METAP1D: variants seen among roughly 807,000 people sequenced by gnomAD.
METAP1D encodes methionyl aminopeptidase type 1D, mitochondrial, also known as methionine aminopeptidase 1D, mitochondrial.
In METAP1D, 31 loss-of-function variants were observed where a neutral mutation model predicts 40.5. That is an observed-to-expected ratio of 0.77 (90% CI 0.58 to 1.03). The LOEUF (loss-of-function observed/expected upper bound fraction) is 1.03. Among genes scored for constraint, METAP1D ranks in the 50% least tolerant of loss-of-function variants. The probability of loss-of-function intolerance (pLI) is 0.00; values close to 1 mark genes in which losing one functional copy is unlikely to be tolerated. For synonymous variants in METAP1D, 151 were observed against 146.4 expected, an observed-to-expected ratio of 1.03 and a Z score of -0.22; for missense variants, 411 against 420.7, an observed-to-expected ratio of 0.98 and a Z score of 0.20.
chr2:172,005,534 A>C (rs1284009379), intron 1 of METAP1D, among the ~76,000 whole-genome samples: 3 of 117,472 alleles, frequency 2.6e-5, no homozygotes, highest in Non-Finnish European at 5.8e-5. Context: ...ATATATATAT[A>C]TATATATATA....
intron 6 of METAP1D, among the ~76,000 whole-genome samples, chr2:172,074,137 TTATCTC>T (rs1690487515): frequency 6.6e-6 from 1 of 152,208 alleles, no homozygotes; most frequent in Non-Finnish European, 1.5e-5. Context: ...ATTTTTATAA[TTATCTC>T]TAGATTATAC....
At chr2:172,020,953 A>G (rs552014377) in intron 1 of METAP1D, among the ~76,000 whole-genome samples, 1 of 152,312 alleles carries the variant, frequency 6.6e-6, no homozygotes, top group South Asian at 2.1e-4. Context: ...GGAATGAAAT[A>G]ATTTAGTGGC....
Position 172,080,588 on chromosome 2 carries a change from C to T in METAP1D, c.*182C>T. 1.5e-6 allele frequency: 1 copy of T among 648,394 alleles called. No individual in the cohort carries two copies. The highest frequency in any genetic ancestry group is 2.6e-6 in the Non-Finnish European group (1 of 377,860). The allele number at this position is 648,394 out of a possible 1,614,324, so 40.2% of individuals were successfully genotyped here. On this transcript the variant is annotated 3_prime_UTR_variant, in exon 10 of 10. Coordinates refer to ENST00000315796, the MANE Select transcript of METAP1D (RefSeq NM_199227.3). ...CAACTGGGAACTCGGATCTGAAGCCCTGCTGGGGTCGCGCGGCTTTGGAAA... is the reference window on the plus strand; with the variant it reads ...CAACTGGGAACTCGGATCTGAAGCCTTGCTGGGGTCGCGCGGCTTTGGAAA...
chr2:172,000,026 G>A lies in METAP1D; in HGVS notation c.40+17G>A. 1 of 1,309,758 alleles carries A rather than the reference G, an allele frequency of 7.6e-7. No individual in the cohort carries two copies. The highest frequency in any genetic ancestry group is 2.2e-5 in the South Asian group (1 of 44,920). The allele number at this position is 1,309,758 out of a possible 1,614,324, so 81.1% of individuals were successfully genotyped here. On this transcript the variant is annotated intron_variant, in intron 1 of 9. Coordinates refer to ENST00000315796, the MANE Select transcript of METAP1D (RefSeq NM_199227.3). Reference sequence around the variant, plus strand: ...TCCGCAGAGGTAAGCGCGTGGAGGAGAGCCCCGTGAGGGTTCGCACGGTTG... The same window carrying A: ...TCCGCAGAGGTAAGCGCGTGGAGGAAAGCCCCGTGAGGGTTCGCACGGTTG...
chr2:172,069,730 C>G (rs551200691), intron 5 of METAP1D, among the ~76,000 whole-genome samples: 1 of 152,260 alleles, frequency 6.6e-6, no homozygotes, highest in East Asian at 1.9e-4. Context: ...AGAAAACACT[C>G]GATTAGAAGC....
intron 8 of METAP1D, 61 bp from the exon 9 acceptor site, chr2:172,080,067 G>T: frequency 2.1e-6 from 3 of 1,447,056 alleles, no homozygotes; most frequent in Non-Finnish European, 2.9e-6. Flanking sequence ...ATAATCAGCC[G>T]GAAACAATGT....
chr2:172,024,156 G>C (rs1689067593), intron 1 of METAP1D, among the ~76,000 whole-genome samples: 2 of 152,076 alleles, frequency 1.3e-5, no homozygotes, highest in Non-Finnish European at 2.9e-5. Context: ...ACTGTGCCTG[G>C]CCTCATTGTA....
chr2:172,028,286 GA>G (rs1283711980), intron 1 of METAP1D, among the ~76,000 whole-genome samples: 1 of 152,166 alleles, frequency 6.6e-6, no homozygotes, highest in Non-Finnish European at 1.5e-5. Context: ...GCAGAGCCCA[GA>G]AAGGGCTTAG....
At chr2:172,037,768 A>G (rs191272516) in intron 1 of METAP1D, among the ~76,000 whole-genome samples, 244 of 152,314 alleles carry the variant, frequency 1.6e-3, no homozygotes, top group African/African-American at 5.7e-3. Context: ...GGTTAGTGAC[A>G]TTAGTCCTCC....
intron 1 of METAP1D, among the ~76,000 whole-genome samples, chr2:172,046,109 C>G (rs1418714084): frequency 7.4e-6 from 1 of 135,544 alleles, no homozygotes; most frequent in African/African-American, 2.8e-5. Context: ...TACTTCGATT[C>G]TGAAAATAGA....
chr2:172,010,441 C>T (rs1435348452), intron 1 of METAP1D, among the ~76,000 whole-genome samples: 2 of 103,408 alleles, frequency 1.9e-5, no homozygotes, highest in East Asian at 2.2e-4. Flanking sequence ...CCACTGCACC[C>T]AGCCCTTTTT....
At chr2:172,051,212 C>A (rs2105458553) in intron 1 of METAP1D, among the ~76,000 whole-genome samples, 1 of 152,242 alleles carries the variant, frequency 6.6e-6, no homozygotes, top group East Asian at 1.9e-4. Context: ...TGAGTTCTGA[C>A]TATAATCTTT....
intron 1 of METAP1D, among the ~76,000 whole-genome samples, chr2:172,028,534 ATGTGTGTC>A (rs1196551360): frequency 4.8e-4 from 60 of 124,448 alleles, no homozygotes; most frequent in African/African-American, 1.6e-3. Flanking sequence ...AGACTTCTGT[ATGTGTGTC>A]TGTGTGTGTG....
intron 1 of METAP1D, among the ~76,000 whole-genome samples, chr2:172,022,848 C>T (rs1475897323): frequency 6.6e-6 from 1 of 152,070 alleles, no homozygotes; most frequent in Non-Finnish European, 1.5e-5. Context: ...TTTCTCCATA[C>T]TAGCTATTCC....
At chr2:172,028,377 G>A (rs1477285078) in intron 1 of METAP1D, among the ~76,000 whole-genome samples, 2 of 152,226 alleles carry the variant, frequency 1.3e-5, no homozygotes, top group African/African-American at 2.4e-5. Context: ...GAGGCCAGAG[G>A]GAGGTGGGGT....
chr2:172,042,797 G>A (rs1316557975), intron 1 of METAP1D, among the ~76,000 whole-genome samples: 1 of 20,838 alleles, frequency 4.8e-5, no homozygotes, highest in African/African-American at 2.2e-4. Flanking sequence ...GTGTGTGTGT[G>A]TATATGTACA....
At chr2:172,029,683 T>C (rs191809524) in intron 1 of METAP1D, among the ~76,000 whole-genome samples, 116 of 152,254 alleles carry the variant, frequency 7.6e-4, no homozygotes, top group African/African-American at 2.8e-3. Flanking sequence ...CCCACAAAAA[T>C]AACCGCCTCA....
intron 1 of METAP1D, among the ~76,000 whole-genome samples, chr2:172,053,763 G>T (rs140647229): frequency 6.6e-6 from 1 of 152,266 alleles, no homozygotes; most frequent in Non-Finnish European, 1.5e-5. Context: ...GTAAAGTAGT[G>T]CCAAGCTACA....
intron 5 of METAP1D, among the ~76,000 whole-genome samples, chr2:172,068,256 G>T (rs184502275): frequency 6.6e-5 from 10 of 152,072 alleles, no homozygotes; most frequent in African/African-American, 2.2e-4. Context: ...AGCCCTGTGT[G>T]GGGGCAGGAG....
Sources: gnomAD v4.1 joint callset for allele counts (sites outside exome capture counted in the v4.1 genomes callset) on GRCh38, gnomAD v4.1.1 for gene constraint, MANE v1.5 for transcripts, NCBI Gene and HGNC (gene_info 2026-07-23, HGNC 2026-07-21) for gene names.